BACH2: variants seen among roughly 807,000 people sequenced by gnomAD.
BACH2 encodes the protein BACH transcriptional regulator 2, also known as transcription regulator protein BACH2.
In BACH2, 5 loss-of-function variants were observed where a neutral mutation model predicts 61.8. The ratio of observed to expected loss-of-function variants is 0.08; its 90% confidence interval spans 0.04 to 0.17. BACH2 has a LOEUF of 0.17. BACH2 is among the 10% of genes least tolerant of loss of function. The pLI is 1.00. For missense variants in BACH2, 824 were observed against 1,091.1 expected (o/e 0.76, Z 3.45); for synonymous variants, 446 against 440.1 (o/e 1.01, Z -0.17).
chr6:90,196,854 TAGAAA>T (rs1388471601), intron 4 of BACH2, among the ~76,000 whole-genome samples: 12 of 151,874 alleles, frequency 7.9e-5, no homozygotes, highest in Non-Finnish European at 1.8e-4. Context: ...TTAAAAAAAA[TAGAAA>T]AGAAAACCAA....
intron 5 of BACH2, among the ~76,000 whole-genome samples, chr6:90,062,673 C>T (rs1780744204): frequency 6.6e-6 from 1 of 152,142 alleles, no homozygotes; most frequent in South Asian, 2.1e-4. Flanking sequence ...CTTCTCTAAG[C>T]CAAACAACCT....
chr6:90,215,772 A>G (rs2127853618), intron 3 of BACH2, among the ~76,000 whole-genome samples: 1 of 152,298 alleles, frequency 6.6e-6, no homozygotes, highest in African/African-American at 2.4e-5. Context: ...CTCTTTCACT[A>G]ACTCATCCTC....
At chr6:90,228,830 G>C (rs1769999207) in intron 3 of BACH2, among the ~76,000 whole-genome samples, 2 of 152,130 alleles carry the variant, frequency 1.3e-5, no homozygotes, top group Non-Finnish European at 2.9e-5. Flanking sequence ...CTTTACAAAG[G>C]GATCTTACAG....
intron 4 of BACH2, among the ~76,000 whole-genome samples, chr6:90,142,856 T>C (rs926490294): frequency 4.6e-5 from 7 of 151,654 alleles, no homozygotes; most frequent in Admixed American, 1.3e-4. Flanking sequence ...TTAAGAATAA[T>C]AAAAAAAAGG....
intron 3 of BACH2, among the ~76,000 whole-genome samples, chr6:90,227,616 CAGAATT>C (rs1229605672): frequency 5.3e-5 from 8 of 152,278 alleles, no homozygotes; most frequent in African/African-American, 1.7e-4. Flanking sequence ...TGTAGACAGA[CAGAATT>C]AGAAATTCTT....
chr6:90,229,920 G>A (rs1384100013), intron 3 of BACH2, among the ~76,000 whole-genome samples: 2 of 152,188 alleles, frequency 1.3e-5, no homozygotes, highest in South Asian at 2.1e-4. Flanking sequence ...TCTGCTGGCT[G>A]TAGAGCTACA....
At chr6:90,041,555 C>T (rs1400219671) in intron 5 of BACH2, among the ~76,000 whole-genome samples, 1 of 151,958 alleles carries the variant, frequency 6.6e-6, no homozygotes, top group African/African-American at 2.4e-5. Context: ...GCTCTGTTTG[C>T]TAATATTTTA....
At chr6:89,987,749 C>T (rs1400324728) in intron 6 of BACH2, among the ~76,000 whole-genome samples, 1 of 151,934 alleles carries the variant, frequency 6.6e-6, no homozygotes, top group Admixed American at 6.6e-5. Flanking sequence ...GTACCTATGC[C>T]ATTATTATAA....
At chr6:90,101,214 T>G (rs1052639127) in intron 4 of BACH2, among the ~76,000 whole-genome samples, 39 of 152,232 alleles carry the variant, frequency 2.6e-4, no homozygotes, top group African/African-American at 8.4e-4. Flanking sequence ...TCTTAATGGT[T>G]TCCTTTAAGC....
intron 3 of BACH2, among the ~76,000 whole-genome samples, chr6:90,221,253 A>AT (rs1769725144): frequency 6.6e-6 from 1 of 152,160 alleles, no homozygotes; most frequent in Non-Finnish European, 1.5e-5. Context: ...ATATTCATGG[A>AT]TTTTTTAAGT....
rs569157006 is a variant in BACH2, at chr6:89,960,975, G to A, written c.244-9113C>T. Among the ~76,000 whole-genome samples the A allele has an allele frequency of 2.0e-5, 3 of 152,298 alleles. No homozygotes were observed. The East Asian group carries it at 5.8e-4, about 29-fold the overall frequency. On this transcript the variant is annotated intron_variant, in intron 6 of 8. Transcript: ENST00000257749. The stretch of plus-strand genomic sequence containing the variant: ...GTCCCAAAAGCAAACATTCCATATT[G>A]TCTTTCCTGAGAACTGGCGACACCT...
chr6:89,999,343 C>T (rs1203243858), intron 6 of BACH2, among the ~76,000 whole-genome samples: 1 of 152,188 alleles, frequency 6.6e-6, no homozygotes, highest in Admixed American at 6.5e-5. Context: ...AGTGATTACT[C>T]TGCAAGGATG....
At chr6:90,133,152 T>A (rs1043630868) in intron 4 of BACH2, among the ~76,000 whole-genome samples, 3 of 152,272 alleles carry the variant, frequency 2.0e-5, no homozygotes, top group Admixed American at 6.5e-5. Context: ...TCTACTTTTT[T>A]ATATTTTCTC....
intron 7 of BACH2, among the ~76,000 whole-genome samples, chr6:89,946,441 T>G (rs550214928): frequency 6.6e-6 from 1 of 152,318 alleles, no homozygotes; most frequent in South Asian, 2.1e-4. Context: ...GGCACAACCT[T>G]TAGCCCATCT....
chr6:90,113,749 T>A (rs1027399099), intron 4 of BACH2, among the ~76,000 whole-genome samples: 1 of 151,904 alleles, frequency 6.6e-6, no homozygotes, highest in Non-Finnish European at 1.5e-5. Flanking sequence ...ATTTTTTTTT[T>A]AAATTAATCA....
chr6:89,940,194 G>C (rs1455008662), intron 7 of BACH2, among the ~76,000 whole-genome samples: 1 of 152,088 alleles, frequency 6.6e-6, no homozygotes, highest in Admixed American at 6.6e-5. Flanking sequence ...ATTTTCAGTA[G>C]AGATGCGGTT....
chr6:90,134,318 G>A (rs909604461), intron 4 of BACH2, among the ~76,000 whole-genome samples: 2 of 152,130 alleles, frequency 1.3e-5, no homozygotes, highest in African/African-American at 2.4e-5. Flanking sequence ...ACATGACTTC[G>A]CTTTTAATCC....
intron 5 of BACH2, among the ~76,000 whole-genome samples, chr6:90,074,525 A>T (rs1781384300): frequency 6.6e-6 from 1 of 152,186 alleles, no homozygotes; most frequent in Admixed American, 6.6e-5. Flanking sequence ...CAAGGTCTAC[A>T]GAAAAGTTTC....
rs1769049502 is a variant in BACH2 at position 90,203,995 on chromosome 6, T to A, written c.-162+2574A>T. ...TAGTGCGGCCAACTGCTAATCCTTT[T>A]GTGGCACGGGATTTGGGGGATTCTG... On this transcript the variant is annotated intron_variant, in intron 4 of 8. Coordinates refer to ENST00000257749, the MANE Select transcript of BACH2 (RefSeq NM_021813.4). 2.0e-5 allele frequency among the ~76,000 whole-genome samples: 3 copies of A among 152,170 alleles called. No individual in the cohort carries two copies. The South Asian group carries it at 6.2e-4, about 32-fold the overall frequency.
Sources: gnomAD v4.1 joint callset for allele counts (sites outside exome capture counted in the v4.1 genomes callset) on GRCh38, gnomAD v4.1.1 for gene constraint, MANE v1.5 for transcripts, NCBI Gene and HGNC (gene_info 2026-07-23, HGNC 2026-07-21) for gene names.